The following ZCWPW2 variants were observed in gnomAD, a reference collection of about 807,000 sequenced individuals.
ZCWPW2 encodes the protein zinc finger CW-type and PWWP domain containing 2.
ZCWPW2 carries 45 observed loss-of-function variants against 46.6 expected under a neutral mutation model. The ratio of observed to expected loss-of-function variants is 0.96; its 90% CI spans 0.76 to 1.24. The LOEUF (loss-of-function observed/expected upper bound fraction) is 1.24. ZCWPW2 is among the 50% of genes most tolerant of loss of function. The pLI, the probability that ZCWPW2 is intolerant of heterozygous loss-of-function variation, is 0.00. For missense variants in ZCWPW2, 429 were observed against 403.9 expected, an observed-to-expected ratio of 1.06 and a Z score of -0.53; for synonymous variants, 152 against 137.1, an observed-to-expected ratio of 1.11 and a Z score of -0.76.
chr3:28,494,799 GC>G (rs1699930697), intron 6 of ZCWPW2, among the ~76,000 whole-genome samples: 1 of 139,294 alleles, frequency 7.2e-6, no homozygotes, highest in African/African-American at 2.7e-5. Context: ...CAAACAGAGA[GC>G]CAAATCATGA....
In ZCWPW2 at chr3:28,369,178, C is replaced by G. The variant is rs368335726; in HGVS notation, c.-134+19975C>G. 3.9e-5 allele frequency among the ~76,000 whole-genome samples: 6 copies of G among 152,324 alleles called. No homozygotes were observed. The East Asian group carries it at 9.6e-4, about 24-fold the overall frequency. On this transcript the variant is annotated intron_variant, in intron 1 of 9. Transcript: ENST00000383768. The stretch of plus-strand genomic sequence containing the variant: ...TCAACTCGTCAAAGTCATTCTCCAT[C>G]CAGCGTTGTTCCGTTGCTGGTGAGG...
intron 4 of ZCWPW2, among the ~76,000 whole-genome samples, chr3:28,438,480 G>C (rs1214724638): frequency 6.6e-6 from 1 of 152,170 alleles, no homozygotes; most frequent in East Asian, 1.9e-4. Context: ...TTTTAGTTCA[G>C]GCTGATCCTT....
Position 28,433,195 on chromosome 3 carries a change from G to A in ZCWPW2, c.333-1915G>A, listed in dbSNP as rs1450850491. ...AAATGGTTGTGTAGGCTCTTAACCA[G>A]CAAGGAAATGTAATTTATGAGGCTG... On this transcript the variant is annotated intron_variant, in intron 3 of 9. Transcript: ENST00000383768. Among the ~76,000 whole-genome samples, 3 of 152,010 alleles carry A rather than the reference G, an allele frequency of 2.0e-5. No homozygotes were observed. In the East Asian group the frequency reaches 5.8e-4, roughly 29 times the overall value.
At chr3:28,523,667 A>C (rs1245010628) in intron 9 of ZCWPW2, among the ~76,000 whole-genome samples, 1 of 152,158 alleles carries the variant, frequency 6.6e-6, no homozygotes, top group Non-Finnish European at 1.5e-5. Flanking sequence ...AGGCATTTAC[A>C]TCAATGGATG....
chr3:28,430,893 C>A (rs929965846), intron 3 of ZCWPW2, among the ~76,000 whole-genome samples: 3 of 152,164 alleles, frequency 2.0e-5, no homozygotes, highest in South Asian at 2.1e-4. Context: ...AAGGCCTCCC[C>A]AGTCATGTGG....
chr3:28,391,734 T>G (rs73825148), intron 2 of ZCWPW2, among the ~76,000 whole-genome samples: 3,116 of 152,074 alleles, frequency 0.02, 107 homozygotes, highest in African/African-American at 0.062. Flanking sequence ...ACAACTGAGG[T>G]AACCAATAAC....
At chr3:28,447,307 A>G (rs1698030330) in intron 4 of ZCWPW2, among the ~76,000 whole-genome samples, 1 of 152,152 alleles carries the variant, frequency 6.6e-6, no homozygotes. Context: ...ATTATACACT[A>G]TGGCCAAATA....
At chr3:28,447,728 G>A in intron 4 of ZCWPW2, 1 of 602,114 alleles carries the variant, frequency 1.7e-6, no homozygotes, top group Non-Finnish European at 3.1e-6. Flanking sequence ...ACTCAGAATG[G>A]TCCAGCATTT....
intron 5 of ZCWPW2, among the ~76,000 whole-genome samples, chr3:28,484,015 T>C (rs904803563): frequency 6.6e-6 from 1 of 152,166 alleles, no homozygotes; most frequent in African/African-American, 2.4e-5. Context: ...CAGTACAATA[T>C]TGAGAAGAGT....
At chr3:28,432,249 C>T (rs1227109760) in intron 3 of ZCWPW2, among the ~76,000 whole-genome samples, 1 of 152,084 alleles carries the variant, frequency 6.6e-6, no homozygotes, top group African/African-American at 2.4e-5. Context: ...CTTTGCTGTA[C>T]CACTAGGAAA....
intron 4 of ZCWPW2, among the ~76,000 whole-genome samples, chr3:28,466,759 A>T (rs1698839092): frequency 6.6e-6 from 1 of 152,150 alleles, no homozygotes; most frequent in Non-Finnish European, 1.5e-5. Flanking sequence ...AGATTGCACC[A>T]CTGGACTCCA....
chr3:28,446,546 A>G (rs910520805), intron 4 of ZCWPW2, among the ~76,000 whole-genome samples: 3 of 152,076 alleles, frequency 2.0e-5, no homozygotes, highest in African/African-American at 7.2e-5. Flanking sequence ...AGAAATTTAT[A>G]CCTACAAACA....
chr3:28,359,948 T>G (rs1704879020), intron 1 of ZCWPW2, among the ~76,000 whole-genome samples: 1 of 152,146 alleles, frequency 6.6e-6, no homozygotes, highest in East Asian at 1.9e-4. Flanking sequence ...TAGAAATCAT[T>G]GAAATTTATT....
intron 1 of ZCWPW2, among the ~76,000 whole-genome samples, chr3:28,368,809 A>T (rs1422021978): frequency 2.0e-5 from 3 of 152,110 alleles, no homozygotes; most frequent in Non-Finnish European, 4.4e-5. Flanking sequence ...TCAGATGTAG[A>T]TTTGGTCTTT....
chr3:28,369,664 A>C (rs186097320), intron 1 of ZCWPW2, among the ~76,000 whole-genome samples: 1 of 152,142 alleles, frequency 6.6e-6, no homozygotes. Context: ...TGCTGGGGGA[A>C]CCACTACTCT....
At chr3:28,509,386 G>T (rs1334350573) in intron 6 of ZCWPW2, among the ~76,000 whole-genome samples, 1 of 152,020 alleles carries the variant, frequency 6.6e-6, no homozygotes, top group Non-Finnish European at 1.5e-5. Context: ...TAAATTTGAG[G>T]TTTTGAGGAA....
rs370580975 is a variant in ZCWPW2, at chr3:28,365,407, G to C, written c.-134+16204G>C. On this transcript the variant is annotated intron_variant, in intron 1 of 9. Transcript: ENST00000383768. ...AGCACCATTTATTAAATAGGGAATCGTTTCCCCATTGCTTGTTTTTGTCAG... is the reference window on the plus strand; with the variant it reads ...AGCACCATTTATTAAATAGGGAATCCTTTCCCCATTGCTTGTTTTTGTCAG... Among the ~76,000 whole-genome samples the C allele has an allele frequency of 2.2e-4, 31 of 140,784 alleles. 6 individuals are homozygous for C. The highest frequency in any genetic ancestry group is 9.2e-4 in the South Asian group (4 of 4,344). The allele number at this position is 140,784 out of a possible 152,430, so 92.4% of individuals were successfully genotyped here. A position where few individuals can be genotyped will look rare whatever the true frequency, so the allele number is the denominator to read the frequency against.
chr3:28,421,541 A>G (rs369580276), intron 3 of ZCWPW2, among the ~76,000 whole-genome samples: 2 of 152,176 alleles, frequency 1.3e-5, no homozygotes, highest in South Asian at 4.2e-4. Flanking sequence ...TCCTTTGGCT[A>G]AAAAGAGCAG....
chr3:28,470,442 C>T (rs184496175), intron 4 of ZCWPW2, among the ~76,000 whole-genome samples: 5 of 149,044 alleles, frequency 3.4e-5, no homozygotes, highest in South Asian at 2.1e-4. Context: ...TGCAGTGAGC[C>T]GAGATCGCGT....
Sources: gnomAD v4.1 joint callset for allele counts (sites outside exome capture counted in the v4.1 genomes callset) on GRCh38, gnomAD v4.1.1 for gene constraint, MANE v1.5 for transcripts, NCBI Gene and HGNC (gene_info 2026-07-23, HGNC 2026-07-21) for gene names.